Variants in ITSN1 observed in about 807,000 individuals in gnomAD.
The protein encoded by ITSN1 is intersectin 1.
Under a neutral mutation model 239.8 loss-of-function variants are expected in ITSN1, and 58 were observed. That is an observed-to-expected ratio of 0.24 (90% CI 0.20 to 0.30). The LOEUF is 0.30. Among genes scored for constraint, ITSN1 ranks in the 10% least tolerant of loss-of-function variants. ITSN1 has a pLI of 1.00. For missense variants in ITSN1, 1,558 were observed against 2,103.3 expected (o/e 0.74, Z 5.07); for synonymous variants, 780 against 770.8 (o/e 1.01, Z -0.20).
intron 1 of ITSN1, among the ~76,000 whole-genome samples, chr21:33,659,780 A>G (rs1197835867): frequency 7.3e-6 from 1 of 136,518 alleles, no homozygotes; most frequent in Non-Finnish European, 1.5e-5. Context: ...TGAGATGATC[A>G]TTGATCATGG....
chr21:33,661,846 C>T (rs1465920685), intron 1 of ITSN1, among the ~76,000 whole-genome samples: 1 of 151,912 alleles, frequency 6.6e-6, no homozygotes, highest in Non-Finnish European at 1.5e-5. Context: ...TGCCTTCCAC[C>T]ATGATTATGA....
At chr21:33,719,974 A>T (rs1445088504) in intron 2 of ITSN1, among the ~76,000 whole-genome samples, 1 of 152,254 alleles carries the variant, frequency 6.6e-6, no homozygotes, top group African/African-American at 2.4e-5. Flanking sequence ...TCATGAAGAG[A>T]GTAAAAGTCT....
chr21:33,769,091 A>G (rs1469364133), intron 11 of ITSN1, among the ~76,000 whole-genome samples: 2 of 152,202 alleles, frequency 1.3e-5, no homozygotes, highest in Non-Finnish European at 2.9e-5. Context: ...GGAAGAGGTC[A>G]CAGTTGAGTT....
intron 8 of ITSN1, among the ~76,000 whole-genome samples, chr21:33,759,295 C>T (rs762232593): frequency 3.9e-5 from 6 of 152,180 alleles, no homozygotes; most frequent in Non-Finnish European, 7.3e-5. Flanking sequence ...GATTATTTTC[C>T]TCATTTCACA....
intron 20 of ITSN1, among the ~76,000 whole-genome samples, chr21:33,803,179 G>A (rs1400472376): frequency 6.6e-6 from 1 of 152,240 alleles, no homozygotes; most frequent in Non-Finnish European, 1.5e-5. Flanking sequence ...ATCCAGCTTT[G>A]TCAAGAGTAT....
chr21:33,773,533 G>C (rs2147802444), intron 12 of ITSN1, among the ~76,000 whole-genome samples: 1 of 152,260 alleles, frequency 6.6e-6, no homozygotes, highest in East Asian at 1.9e-4. Context: ...CCTGAGTGCT[G>C]TGCCTCAAGC....
intron 17 of ITSN1, among the ~76,000 whole-genome samples, chr21:33,795,149 G>A (rs377429196): frequency 6.6e-6 from 1 of 152,116 alleles, no homozygotes; most frequent in Admixed American, 6.5e-5. Context: ...TATAAAAGTT[G>A]GTAATTGAAA....
intron 32 of ITSN1, among the ~76,000 whole-genome samples, chr21:33,866,141 T>C (rs1239316123): frequency 6.6e-6 from 1 of 152,190 alleles, no homozygotes; most frequent in Non-Finnish European, 1.5e-5. Context: ...CCTAGAGTGG[T>C]GCTTGTGGAA....
intron 1 of ITSN1, among the ~76,000 whole-genome samples, chr21:33,654,713 C>T (rs911045693): frequency 6.6e-6 from 1 of 152,004 alleles, no homozygotes; most frequent in African/African-American, 2.4e-5. Context: ...GCTCAAGGAC[C>T]CTAAGTAAAG....
chr21:33,812,282 G>A (rs572263823), intron 21 of ITSN1, among the ~76,000 whole-genome samples: 31 of 152,216 alleles, frequency 2.0e-4, no homozygotes, highest in African/African-American at 7.2e-4. Flanking sequence ...ATATTTTCCA[G>A]GATTTGTTTT....
Position 33,774,710 on chromosome 21 carries a change from G to A in ITSN1, c.1306-19G>A. ...GTAAGAACTGAAAAATTAGTAATTT[G>A]TCTCTGTAAATGTCACAGGCTGCAA... On this transcript the variant is annotated intron_variant, in intron 12 of 39. Transcript: ENST00000381318. 1 of 1,603,112 alleles carries A rather than the reference G, an allele frequency of 6.2e-7. No homozygotes were observed. Among genetic ancestry groups the A allele is most frequent in the Non-Finnish European group, 8.5e-7 (1 of 1,176,898 alleles).
intron 1 of ITSN1, among the ~76,000 whole-genome samples, chr21:33,662,625 G>C (rs1293080761): frequency 6.6e-6 from 1 of 152,128 alleles, no homozygotes; most frequent in Non-Finnish European, 1.5e-5. Context: ...GTATTATCTA[G>C]GTACTGGGTT....
At chr21:33,722,069 G>C (rs1201991009) in intron 3 of ITSN1, 1 of 151,818 alleles carries the variant, frequency 6.6e-6, no homozygotes, top group Non-Finnish European at 1.5e-5. Context: ...ACCATGCCCA[G>C]CTTATTTTTT....
At chr21:33,807,696 A>C (rs943311007) in intron 20 of ITSN1, among the ~76,000 whole-genome samples, 1 of 152,202 alleles carries the variant, frequency 6.6e-6, no homozygotes, top group Admixed American at 6.5e-5. Flanking sequence ...ATAATTAAGC[A>C]AAGCAGCTGA....
chr21:33,889,046 A>G lies in ITSN1; in HGVS notation c.*746A>G, dbSNP rs1411186366. On this transcript the variant is annotated 3_prime_UTR_variant, in exon 40 of 40. Coordinates refer to ENST00000381318, the MANE Select transcript of ITSN1 (RefSeq NM_003024.3). Reference sequence around the variant, plus strand: ...ATATGGTCACAGAAAGTCATTATCTAGAAAGTCACCCCTCTGCTGGATCAG... The same window carrying G: ...ATATGGTCACAGAAAGTCATTATCTGGAAAGTCACCCCTCTGCTGGATCAG... 6.6e-6 allele frequency: 1 copy of G among 151,990 alleles called. No homozygotes were observed. The highest frequency in any genetic ancestry group is 1.5e-5 in the Non-Finnish European group (1 of 68,028). The allele number at this position is 151,990 out of a possible 1,614,324, so 9.4% of individuals were successfully genotyped here.
At chr21:33,765,721 C>T (rs905158559) in intron 9 of ITSN1, among the ~76,000 whole-genome samples, 154 bp from the exon 10 acceptor site, 1 of 152,102 alleles carries the variant, frequency 6.6e-6, no homozygotes, top group Non-Finnish European at 1.5e-5. Context: ...ATCTTTGCAG[C>T]AGTATAAAAT....
At chr21:33,848,170 C>T (rs1478018017) in intron 29 of ITSN1, among the ~76,000 whole-genome samples, 9 of 152,220 alleles carry the variant, frequency 5.9e-5, no homozygotes, top group East Asian at 5.8e-4. Flanking sequence ...CACGTTGAAG[C>T]CCAGGACATC....
chr21:33,739,351 T>C (rs1425647677), intron 5 of ITSN1, among the ~76,000 whole-genome samples: 1 of 152,194 alleles, frequency 6.6e-6, no homozygotes, highest in African/African-American at 2.4e-5. Context: ...AGGAGGAGTC[T>C]GTTTTTCTTT....
chr21:33,784,685 G>A (rs1416860180), intron 16 of ITSN1, among the ~76,000 whole-genome samples: 3 of 152,216 alleles, frequency 2.0e-5, no homozygotes, highest in African/African-American at 7.2e-5. Flanking sequence ...AAGATTTATA[G>A]AATTTGATTG....
Sources: gnomAD v4.1 joint callset for allele counts (sites outside exome capture counted in the v4.1 genomes callset) on GRCh38, gnomAD v4.1.1 for gene constraint, MANE v1.5 for transcripts, NCBI Gene and HGNC (gene_info 2026-07-23, HGNC 2026-07-21) for gene names.